The following XRCC5 variants were observed in gnomAD, a reference collection of about 807,000 sequenced individuals.
XRCC5 encodes DNA repair protein Ku80.
In XRCC5, 12 loss-of-function variants were observed where a neutral mutation model predicts 95.7. That is an observed-to-expected ratio of 0.13 (90% CI 0.08 to 0.20). The LOEUF (loss-of-function observed/expected upper bound fraction) is 0.20, where lower values mean the gene tolerates loss of function less well. XRCC5 is among the 10% of genes least tolerant of loss of function. The pLI is 1.00. For synonymous variants in XRCC5, 281 were observed against 290.3 expected (o/e 0.97, Z 0.33); for missense variants, 595 against 873.9 (o/e 0.68, Z 4.02).
chr2:216,204,660 A>G (rs976428636), intron 20 of XRCC5, among the ~76,000 whole-genome samples: 3 of 152,196 alleles, frequency 2.0e-5, no homozygotes, highest in African/African-American at 7.2e-5. Flanking sequence ...AAAAAGAGCT[A>G]GGGAGGCTAT....
At chr2:216,144,301 G>T (rs1688577295) in intron 13 of XRCC5, among the ~76,000 whole-genome samples, 4 of 152,176 alleles carry the variant, frequency 2.6e-5, no homozygotes, top group Admixed American at 2.6e-4. Flanking sequence ...TGCAGAATAA[G>T]TTCTGTATGG....
At chr2:216,199,392 C>A (rs970106622) in intron 19 of XRCC5, among the ~76,000 whole-genome samples, 2 of 152,192 alleles carry the variant, frequency 1.3e-5, no homozygotes, top group Non-Finnish European at 2.9e-5. Flanking sequence ...AGAAGGAAGT[C>A]AGCTCTGCTA....
chr2:216,174,697 C>T (rs912425891), intron 16 of XRCC5, among the ~76,000 whole-genome samples: 5 of 152,200 alleles, frequency 3.3e-5, no homozygotes, highest in Admixed American at 3.3e-4. Context: ...CAAACTGTGG[C>T]TATGATAGTC....
intron 10 of XRCC5, among the ~76,000 whole-genome samples, chr2:216,134,380 A>G (rs1574459661): frequency 1.3e-5 from 2 of 151,248 alleles, no homozygotes; most frequent in East Asian, 3.9e-4. Context: ...GTACTGTTTC[A>G]CCATGTAGCA....
chr2:216,153,038 A>G (rs1688774199), intron 14 of XRCC5, among the ~76,000 whole-genome samples: 2 of 152,112 alleles, frequency 1.3e-5, no homozygotes, highest in Non-Finnish European at 2.9e-5. Context: ...ACCTGTTACT[A>G]ATTACTAATC....
In XRCC5 at chr2:216,160,148, G is replaced by T. The variant is rs751386413; in HGVS notation, c.1751G>T (p.Gly584Val). 6.2e-7 allele frequency: 1 copy of T among 1,607,502 alleles called. No individual in the cohort carries two copies. The highest frequency in any genetic ancestry group is 1.7e-5 in the Admixed American group (1 of 59,122). ...TTCAGCGTCTCCAGTCTGGCTGAAG[G>T]CAGTGTCACCTCTGTAAGCTAAGCT... ...AHFSVSSLAE[G>V]SVTSVGSVNP... Residue 584 changes from glycine (G) to valine (V), a missense_variant, in exon 15 of 21, where the codon GGC (glycine) becomes GTC (valine). This residue lies in a region of XRCC5 where 309 missense variants were observed against 382.9 expected (regional missense o/e 0.81). Coordinates refer to ENST00000392132, the MANE Select transcript of XRCC5 (RefSeq NM_021141.4).
intron 16 of XRCC5, among the ~76,000 whole-genome samples, chr2:216,167,826 A>G (rs974039464): frequency 1.3e-5 from 2 of 152,160 alleles, no homozygotes; most frequent in Admixed American, 6.5e-5. Flanking sequence ...TTAGCCCTAT[A>G]AAAGTTTTTT....
intron 16 of XRCC5, among the ~76,000 whole-genome samples, chr2:216,173,890 T>C (rs1008280714): frequency 1.3e-5 from 2 of 152,254 alleles, no homozygotes; most frequent in African/African-American, 4.8e-5. Flanking sequence ...GTGAGCTAAA[T>C]AAATATCTGT....
At position 216,160,127 on chromosome 2, in the gene XRCC5, G is replaced by C. The variant is rs773640606; in HGVS notation, c.1730G>C (p.Ser577Thr). 8 of 1,608,914 alleles carry C rather than the reference G, an allele frequency of 5.0e-6. No homozygotes were observed. The Admixed American group carries it at 1.0e-4, about 20-fold the overall frequency. ...ACTGAGCAAGGGGGAGCCCACTTCA[G>C]CGTCTCCAGTCTGGCTGAAGGCAGT... ...LKTEQGGAHF[S>T]VSSLAEGSVT... The change falls in exon 15 of 21, where the codon AGC becomes ACC. Residue 577 changes from serine (S) to threonine (T), a missense_variant. Around this residue, in one of 2 missense-constraint regions of XRCC5, gnomAD observed 309 missense variants for 382.9 expected, o/e 0.81. Coordinates refer to ENST00000392132, the MANE Select transcript of XRCC5 (RefSeq NM_021141.4).
intron 9 of XRCC5, among the ~76,000 whole-genome samples, chr2:216,132,044 C>T (rs1406958809): frequency 3.9e-5 from 6 of 152,208 alleles, no homozygotes; most frequent in African/African-American, 1.2e-4. Context: ...GACCATAATA[C>T]TACACTGCAG....
chr2:216,156,130 T>C (rs1410664384), intron 14 of XRCC5, among the ~76,000 whole-genome samples: 3 of 152,256 alleles, frequency 2.0e-5, no homozygotes, highest in South Asian at 2.1e-4. Context: ...AAGAAAAATA[T>C]ACTTTCATAC....
chr2:216,175,123 TC>T (rs1216645623), intron 16 of XRCC5: 2 of 335,388 alleles, frequency 6.0e-6, no homozygotes, highest in Non-Finnish European at 1.2e-5. Context: ...TTCACCACTA[TC>T]CCCATACCCG....
intron 4 of XRCC5, among the ~76,000 whole-genome samples, chr2:216,118,217 A>G (rs1696738075): frequency 1.3e-5 from 2 of 150,976 alleles, no homozygotes; most frequent in South Asian, 4.2e-4. Flanking sequence ...TGTCACCCAG[A>G]CTAGAGTGCA....
rs146264187 is a variant in XRCC5, at chr2:216,128,467, C to T, written c.937+793C>T. ...AGGTGGTGGTGGTTATGATTCCTTC[C>T]TTTCTCCTGATGGATTATATGTAGA... On this transcript the variant is annotated intron_variant, in intron 8 of 20. Transcript: ENST00000392132. Among the ~76,000 whole-genome samples the T allele has an allele frequency of 4.6e-5, 7 of 152,242 alleles. No homozygotes were observed. In the East Asian group the frequency reaches 1.4e-3, roughly 29 times the overall value.
chr2:216,118,680 C>T (rs774422863), intron 4 of XRCC5, among the ~76,000 whole-genome samples: 2 of 152,176 alleles, frequency 1.3e-5, no homozygotes, highest in Non-Finnish European at 2.9e-5. Context: ...GGAGTCAGAG[C>T]AGGATATTTA....
At chr2:216,179,221 A>G (rs1215127219) in intron 16 of XRCC5, among the ~76,000 whole-genome samples, 1 of 152,164 alleles carries the variant, frequency 6.6e-6, no homozygotes, top group Non-Finnish European at 1.5e-5. Context: ...CTTGACTTAT[A>G]GATCCATTAC....
At chr2:216,110,718 C>A (rs1306129507) in intron 1 of XRCC5, among the ~76,000 whole-genome samples, 1 of 152,188 alleles carries the variant, frequency 6.6e-6, no homozygotes, top group Non-Finnish European at 1.5e-5. Flanking sequence ...GACAAAAGTG[C>A]TTTAGTCCTC....
At chr2:216,166,968 G>A (rs1689065214) in intron 16 of XRCC5, among the ~76,000 whole-genome samples, 1 of 152,110 alleles carries the variant, frequency 6.6e-6, no homozygotes, top group Admixed American at 6.5e-5. Context: ...TTCTCTTTCA[G>A]GGACCTTGTT....
At chr2:216,135,521 A>G (rs1351730668) in intron 10 of XRCC5, among the ~76,000 whole-genome samples, 1 of 152,022 alleles carries the variant, frequency 6.6e-6, no homozygotes, top group Non-Finnish European at 1.5e-5. Flanking sequence ...AGTTTCGTGA[A>G]CACTTAAAAG....
Sources: gnomAD v4.1 joint callset for allele counts (sites outside exome capture counted in the v4.1 genomes callset) on GRCh38, gnomAD v4.1.1 for gene constraint, gnomAD v4.1.1 regional missense constraint, MANE v1.5 for transcripts, NCBI Gene and HGNC (gene_info 2026-07-23, HGNC 2026-07-21) for gene names.